The following INPP4A variants were observed in gnomAD, a reference collection of about 807,000 sequenced individuals.
INPP4A encodes inositol polyphosphate-4-phosphatase, type I, 107kD.
Under a neutral mutation model 119.8 loss-of-function variants are expected in INPP4A, and 33 were observed. The observed-to-expected ratio is 0.28, with a 90% confidence interval of 0.21 to 0.37. The LOEUF is 0.37. Ranked by LOEUF, INPP4A falls within the 10% of genes least tolerant of loss-of-function variation. The probability of loss-of-function intolerance (pLI) is 1.00; values close to 1 mark genes in which losing one functional copy is unlikely to be tolerated. For missense variants in INPP4A, 956 were observed against 1,289.9 expected, an observed-to-expected ratio of 0.74 and a Z score of 3.97; for synonymous variants, 496 against 500.7, an observed-to-expected ratio of 0.99 and a Z score of 0.12.
chr2:98,543,520 C>T (rs1464158990), intron 10 of INPP4A, among the ~76,000 whole-genome samples: 1 of 152,188 alleles, frequency 6.6e-6, no homozygotes, highest in Admixed American at 6.5e-5. Flanking sequence ...CTCAGGTGGG[C>T]TGTGGTTTGA....
intron 24 of INPP4A, among the ~76,000 whole-genome samples, 191 bp downstream of exon 24, chr2:98,577,334 A>G (rs918608570): frequency 6.6e-6 from 1 of 152,226 alleles, no homozygotes; most frequent in Non-Finnish European, 1.5e-5. Flanking sequence ...CTTGTAAGGT[A>G]AGGTGGGGGG....
chr2:98,505,588 A>T (rs1473332160), intron 1 of INPP4A, among the ~76,000 whole-genome samples: 1 of 152,202 alleles, frequency 6.6e-6, no homozygotes, highest in East Asian at 1.9e-4. Context: ...CTCTTCCCTT[A>T]CCAAATTAGG....
rs138806590 is a variant in INPP4A, at chr2:98,559,353, A to G, written c.1823-110A>G. 739 of 1,229,536 alleles carry G rather than the reference A, an allele frequency of 6.0e-4. 6 individuals are homozygous for G. In the African/African-American group the frequency reaches 0.01, roughly 17 times the overall value. The allele number at this position is 1,229,536 out of a possible 1,614,324, so 76.2% of individuals were successfully genotyped here. A position where few individuals can be genotyped will look rare whatever the true frequency, so the allele number is the denominator to read the frequency against. ...CACCCAGACCTCTTTTCTGTTTGTTAGCCGCCTTACTGCAAGCTGCTGACG... is the reference window on the plus strand; with the variant it reads ...CACCCAGACCTCTTTTCTGTTTGTTGGCCGCCTTACTGCAAGCTGCTGACG... On this transcript the variant is annotated intron_variant, in intron 16 of 24. Coordinates refer to ENST00000409851, the MANE Select transcript of INPP4A (RefSeq NM_001134225.2).
At chr2:98,517,465 A>G (rs566334854) in intron 1 of INPP4A, among the ~76,000 whole-genome samples, 1 of 152,298 alleles carries the variant, frequency 6.6e-6, no homozygotes, top group East Asian at 1.9e-4. Flanking sequence ...TTTACGCTCT[A>G]CCAGTAGTAT....
intron 1 of INPP4A, among the ~76,000 whole-genome samples, chr2:98,490,021 T>G (rs866651547): frequency 9.9e-5 from 15 of 151,698 alleles, no homozygotes; most frequent in African/African-American, 3.6e-4. Context: ...CCTTGTAACC[T>G]CTTAAGGTGT....
intron 1 of INPP4A, among the ~76,000 whole-genome samples, chr2:98,463,458 G>T (rs1674031677): frequency 6.6e-6 from 1 of 152,238 alleles, no homozygotes; most frequent in Non-Finnish European, 1.5e-5. Flanking sequence ...GAAGGCAACG[G>T]CCTGGGCAGC....
chr2:98,582,698 A>G (rs947500780), intron 24 of INPP4A, among the ~76,000 whole-genome samples: 1 of 151,910 alleles, frequency 6.6e-6, no homozygotes, highest in Non-Finnish European at 1.5e-5. Context: ...CCAGACACAG[A>G]AAGATCACCT....
chr2:98,568,839 G>T, intron 22 of INPP4A, 171 bp downstream of exon 22: 1 of 582,518 alleles, frequency 1.7e-6, no homozygotes, highest in South Asian at 2.1e-5. Context: ...AGCTTCCCTT[G>T]GCTGTGGCCC....
At chr2:98,497,431 T>C (rs1427840296) in intron 1 of INPP4A, among the ~76,000 whole-genome samples, 1 of 152,174 alleles carries the variant, frequency 6.6e-6, no homozygotes, top group Non-Finnish European at 1.5e-5. Flanking sequence ...GAGCCCAGAA[T>C]AGTAGCTCTA....
Position 98,533,361 on chromosome 2 carries a change from C to A in INPP4A, c.152-16C>A. On this transcript the variant is annotated splice_polypyrimidine_tract_variant and intron_variant, in intron 4 of 24. Transcript: ENST00000409851. Reference sequence around the variant, plus strand: ...GGTTTTAAAGGATTCATTTCTTTCCCGTGTTGATTCTGTAGCTTGCAGTGA... The same window carrying A: ...GGTTTTAAAGGATTCATTTCTTTCCAGTGTTGATTCTGTAGCTTGCAGTGA... The A allele has an allele frequency of 1.3e-6, 2 of 1,526,512 alleles. No homozygotes were observed. Among genetic ancestry groups the A allele is most frequent in the Non-Finnish European group, 1.8e-6 (2 of 1,102,032 alleles). 94.6% of individuals were successfully genotyped at this position (1,526,512 alleles called of 1,614,324 possible).
intron 24 of INPP4A, among the ~76,000 whole-genome samples, chr2:98,585,608 G>C (rs1699863052): frequency 6.6e-6 from 1 of 152,184 alleles, no homozygotes; most frequent in Non-Finnish European, 1.5e-5. Context: ...CTCGCCCCGG[G>C]CCCTCTTGCC....
chr2:98,476,384 C>T (rs1392778691), intron 1 of INPP4A, among the ~76,000 whole-genome samples: 1 of 152,244 alleles, frequency 6.6e-6, no homozygotes, highest in Non-Finnish European at 1.5e-5. Flanking sequence ...AGTAATGGCC[C>T]TGTTTGCTGT....
At chr2:98,506,484 G>C (rs1171648562) in intron 1 of INPP4A, among the ~76,000 whole-genome samples, 1 of 152,226 alleles carries the variant, frequency 6.6e-6, no homozygotes, top group Non-Finnish European at 1.5e-5. Flanking sequence ...AAGCTGTGTT[G>C]TTGTTGCTCA....
chr2:98,491,804 A>G (rs1680836985), intron 1 of INPP4A, among the ~76,000 whole-genome samples: 1 of 152,198 alleles, frequency 6.6e-6, no homozygotes, highest in African/African-American at 2.4e-5. Flanking sequence ...TGTCTTTAAA[A>G]TCAGGGAAGA....
intron 1 of INPP4A, among the ~76,000 whole-genome samples, chr2:98,448,064 A>G (rs1319261441): frequency 6.6e-6 from 1 of 151,070 alleles, no homozygotes; most frequent in African/African-American, 2.4e-5. Context: ...AAAAAAAAAA[A>G]AAAAATCATG....
intron 24 of INPP4A, among the ~76,000 whole-genome samples, chr2:98,585,990 G>A (rs1699907747): frequency 6.6e-6 from 1 of 152,246 alleles, no homozygotes; most frequent in Non-Finnish European, 1.5e-5. Context: ...AAAGATTAAA[G>A]GAGATTAACT....
At chr2:98,513,052 G>A (rs989306274) in intron 1 of INPP4A, among the ~76,000 whole-genome samples, 16 of 152,194 alleles carry the variant, frequency 1.1e-4, no homozygotes, top group African/African-American at 3.9e-4. Flanking sequence ...AAAATGGAAG[G>A]CCTGCTTGCT....
chr2:98,519,814 C>T, intron 2 of INPP4A, 132 bp from the exon 3 acceptor site: 6 of 526,462 alleles, frequency 1.1e-5, no homozygotes, highest in South Asian at 1.0e-4. Flanking sequence ...GGACAGTCCA[C>T]CCCGGTTCCT....
chr2:98,445,096 CG>C lies in INPP4A; in HGVS notation c.-166+14del, dbSNP rs1337764079. On this transcript the variant is annotated intron_variant, in intron 1 of 24. Transcript: ENST00000409851. ...GCCGGGGAGCGCCAGGTAGGTGGGCCGGGCCGGGCAGGAGGCGACGCGGCCG... is the reference window on the plus strand; with the variant it reads ...GCCGGGGAGCGCCAGGTAGGTGGGCCGGCCGGGCAGGAGGCGACGCGGCCG... 6.7e-6 allele frequency: 1 copy of C among 149,638 alleles called. No individual in the cohort carries two copies. Among genetic ancestry groups the C allele is most frequent in the Non-Finnish European group, 1.5e-5 (1 of 66,894 alleles). The allele number at this position is 149,638 out of a possible 1,614,324, so 9.3% of individuals were successfully genotyped here.
Sources: allele counts gnomAD v4.1 joint callset (sites outside exome capture counted in the v4.1 genomes callset), GRCh38; gene constraint gnomAD v4.1.1; transcripts MANE v1.5; gene names NCBI Gene and HGNC (gene_info 2026-07-23, HGNC 2026-07-21).